The following PTCH1 variants were observed in gnomAD, a reference collection of about 807,000 sequenced individuals.
PTCH1 encodes the protein patched 1.
Under a neutral mutation model 144.6 loss-of-function variants are expected in PTCH1, and 14 were observed. The observed-to-expected ratio is 0.10, with a 90% confidence interval of 0.06 to 0.15. The LOEUF (loss-of-function observed/expected upper bound fraction) is 0.15. Among genes scored for constraint, PTCH1 ranks in the 10% least tolerant of loss-of-function variants. The probability of loss-of-function intolerance (pLI) is 1.00; values close to 1 mark genes in which losing one functional copy is unlikely to be tolerated. For synonymous variants in PTCH1, 833 were observed against 793.6 expected (o/e 1.05, Z -0.83); for missense variants, 1,623 against 1,948.3 (o/e 0.83, Z 3.14).
intron 15 of PTCH1, among the ~76,000 whole-genome samples, chr9:95,463,698 C>T (rs776943975): frequency 2.0e-5 from 3 of 152,106 alleles, no homozygotes; most frequent in Non-Finnish European, 2.9e-5. Flanking sequence ...GGGCATCCCA[C>T]GGCAACCAAG....
At chr9:95,478,573 T>C (rs1841276609) in intron 8 of PTCH1, among the ~76,000 whole-genome samples, 1 of 152,194 alleles carries the variant, frequency 6.6e-6, no homozygotes, top group Admixed American at 6.5e-5. Flanking sequence ...CCCTGTTCAT[T>C]TGCTGGCCAC....
upstream of PTCH1, among the ~76,000 whole-genome samples, chr9:95,510,133 GAAA>G (rs1844074193): frequency 6.6e-6 from 1 of 151,814 alleles, no homozygotes; most frequent in African/African-American, 2.4e-5. Flanking sequence ...AAGTAAAAGA[GAAA>G]CAACAGAATC....
chr9:95,481,401 A>C (rs1490699383), intron 5 of PTCH1, among the ~76,000 whole-genome samples: 1 of 152,240 alleles, frequency 6.6e-6, no homozygotes, highest in African/African-American at 2.4e-5. Context: ...CTGATTAACA[A>C]TTATTCTCTA....
At chr9:95,460,932 C>T (rs970303399) in intron 16 of PTCH1, among the ~76,000 whole-genome samples, 1 of 152,184 alleles carries the variant, frequency 6.6e-6, no homozygotes, top group Non-Finnish European at 1.5e-5. Flanking sequence ...GAGTTTCACA[C>T]TCCATAACAA....
chr9:95,449,566 G>T lies in PTCH1; in HGVS notation c.3550-243C>A. ...GATGTGTACTTTTTACTCTTGTGAA[G>T]TCCAATTATGCATCTCAAGGGGAAA... On this transcript the variant is annotated intron_variant, in intron 21 of 23. Transcript: ENST00000331920. The surrounding 1 kb of genome is among the most constrained non-coding windows in gnomAD (Gnocchi z 5.3). 1 of 637,716 alleles carries T rather than the reference G, an allele frequency of 1.6e-6. No individual in the cohort carries two copies. 39.5% of individuals were successfully genotyped at this position (637,716 alleles called of 1,614,324 possible). A position where few individuals can be genotyped will look rare whatever the true frequency, so the allele number is the denominator to read the frequency against.
chr9:95,482,092 G>A (rs2118470025), intron 4 of PTCH1, 42 bp downstream of exon 4: 1 of 1,608,374 alleles, frequency 6.2e-7, no homozygotes, highest in Non-Finnish European at 8.5e-7. Context: ...CACACTACTG[G>A]GGTGTTCCTG....
intron 18 of PTCH1, 34 bp downstream of exon 18, chr9:95,457,979 T>G (rs751374954): frequency 6.2e-7 from 1 of 1,613,498 alleles, no homozygotes; most frequent in Non-Finnish European, 8.5e-7. Context: ...TGAAAGGAAT[T>G]TGACTTCCAC....
At chr9:95,480,240 T>C in intron 6 of PTCH1, 150 bp from the exon 7 acceptor site, 1 of 1,520,020 alleles carries the variant, frequency 6.6e-7, no homozygotes. Context: ...TACAGCAAAA[T>C]TTAGCTCTAT....
chr9:95,472,933 G>A (rs981901087), intron 12 of PTCH1, among the ~76,000 whole-genome samples: 1 of 152,200 alleles, frequency 6.6e-6, no homozygotes, highest in East Asian at 1.9e-4. Flanking sequence ...GGATGATACT[G>A]CAACTGTGAA....
chr9:95,455,182 TA>T (rs1210414911), intron 19 of PTCH1, among the ~76,000 whole-genome samples: 1 of 151,912 alleles, frequency 6.6e-6, no homozygotes, highest in Non-Finnish European at 1.5e-5. Flanking sequence ...TGATACACTG[TA>T]AAAAAAATGG....
rs1554692291 is a variant in PTCH1 at position 95,461,940 on chromosome 9, G to A, written c.2619C>T (p.Tyr873=). ...WETGKIMPNN[Y]KNGSDDGVLA... ...GGACTCCATCGTCTGATCCATTCTT[G>A]TAATTGTTTGGCATGATTTTCCCGG... Residue 873 remains tyrosine (Y), a synonymous_variant, in exon 16 of 24, where the codon TAC becomes TAT. Coordinates refer to ENST00000331920, the MANE Select transcript of PTCH1 (RefSeq NM_000264.5). The A allele has an allele frequency of 6.2e-7, 1 of 1,614,220 alleles. No homozygotes were observed. Among genetic ancestry groups the A allele is most frequent in the Non-Finnish European group, 8.5e-7 (1 of 1,180,034 alleles).
Position 95,508,629 on chromosome 9 carries a change from G to A in PTCH1, c.-268C>T. 1.0e-6 allele frequency: 1 copy of A among 990,910 alleles called. No individual in the cohort carries two copies. 61.4% of individuals were successfully genotyped at this position (990,910 alleles called of 1,614,324 possible). On this transcript the variant is annotated 5_prime_UTR_variant, in exon 1 of 24. Transcript: ENST00000331920. ...TGCCACATTGCGCGGGGGTCCCGAG[G>A]TCTCTGCGGCCGCCGCTGCCCACAT...
chr9:95,508,718 C>T lies in PTCH1; in HGVS notation c.-357G>A. The T allele has an allele frequency of 4.1e-6, 4 of 986,608 alleles. No individual in the cohort carries two copies. Among genetic ancestry groups the T allele is most frequent in the Non-Finnish European group, 4.8e-6 (4 of 830,872 alleles). The allele number at this position is 986,608 out of a possible 1,614,324, so 61.1% of individuals were successfully genotyped here. On this transcript the variant is annotated 5_prime_UTR_variant, in exon 1 of 24. Coordinates refer to ENST00000331920, the MANE Select transcript of PTCH1 (RefSeq NM_000264.5). The stretch of plus-strand genomic sequence containing the variant: ...GCCTGTCCTTCGGGCGCTTCCGCGG[C>T]ACTCCTTGCGGTCCCCAACTCCCCC...
chr9:95,493,907 C>A (rs968166159), intron 2 of PTCH1, among the ~76,000 whole-genome samples: 14 of 152,152 alleles, frequency 9.2e-5, no homozygotes, highest in African/African-American at 3.4e-4. Context: ...GAGCCAACCG[C>A]TGTCCAAGTT....
chr9:95,478,331 G>A (rs1391848759), intron 8 of PTCH1, 145 bp from the exon 9 acceptor site: 1 of 1,278,274 alleles, frequency 7.8e-7, no homozygotes, highest in Non-Finnish European at 1.1e-6. Flanking sequence ...CCAGGGCAGG[G>A]AGAGAAGCTG....
chr9:95,482,093 G>A (rs1230145824), intron 4 of PTCH1, 41 bp downstream of exon 4: 2 of 1,608,926 alleles, frequency 1.2e-6, no homozygotes. Flanking sequence ...ACACTACTGG[G>A]GTGTTCCTGA....
chr9:95,457,960 G>C, intron 18 of PTCH1, 53 bp downstream of exon 18: 1 of 1,608,274 alleles, frequency 6.2e-7, no homozygotes, highest in Non-Finnish European at 8.5e-7. Flanking sequence ...GCTGCAGAAA[G>C]AGCTATGCTG....
rs200189314 is a variant in PTCH1, at chr9:95,468,786, G to A, written c.2215C>T (p.His739Tyr). Residue 739 changes from histidine to tyrosine, a missense_variant, in exon 14 of 24, where the codon CAC becomes TAC. By Grantham distance (83) the His-to-Tyr change is moderately conservative. Around this residue, in one of 7 missense-constraint regions of PTCH1, gnomAD observed 179 missense variants for 165.7 expected, o/e 1.08. Transcript: ENST00000331920. Reference protein sequence around the residue: ...KWTLSSFAEKHYAPFLLKPKA... With the variant: ...KWTLSSFAEKYYAPFLLKPKA... Reference sequence around the variant, plus strand: ...GGTTTCAAGAGGAAAGGAGCATAGTGCTTCTCAGCAAAAGATGAGAGTGTC... The same window carrying A: ...GGTTTCAAGAGGAAAGGAGCATAGTACTTCTCAGCAAAAGATGAGAGTGTC... 117 of 1,614,058 alleles carry A rather than the reference G, an allele frequency of 7.2e-5. 1 individual carries two copies. The highest frequency in any genetic ancestry group is 3.3e-4 in the Middle Eastern group (2 of 6,084).
At chr9:95,492,921 G>C (rs1842527160) in intron 2 of PTCH1, among the ~76,000 whole-genome samples, 1 of 152,088 alleles carries the variant, frequency 6.6e-6, no homozygotes, top group Non-Finnish European at 1.5e-5. Flanking sequence ...AAGGCACACA[G>C]AGAACATGCA....
Sources: gnomAD v4.1 joint callset for allele counts (sites outside exome capture counted in the v4.1 genomes callset) on GRCh38, gnomAD v4.1.1 for gene constraint, gnomAD v4.1.1 regional missense constraint, Gnocchi (gnomAD v3.1) non-coding constraint, MANE v1.5 for transcripts, NCBI Gene and HGNC (gene_info 2026-07-23, HGNC 2026-07-21) for gene names.